Variants in LOC400499 observed in about 807,000 individuals in gnomAD.
chr16:11,482,733 G>C, the LOC400499 span, among the ~76,000 whole-genome samples: 1 of 151,738 alleles, frequency 6.6e-6, no homozygotes. Context: ...TCAACAAAAA[G>C]AGAAAAAAAC....
chr16:11,491,726 G>C, the LOC400499 span: 18 of 398,322 alleles, frequency 4.5e-5, no homozygotes, highest in African/African-American at 3.5e-4. Context: ...CGCCTGCCTG[G>C]GTGCGCCGCA....
the LOC400499 span, chr16:11,390,593 T>A: frequency 1.4e-6 from 1 of 706,850 alleles, no homozygotes; most frequent in Non-Finnish European, 2.0e-6. Context: ...CTGGGGGAAC[T>A]GGAACAGAGC....
the LOC400499 span, chr16:11,435,856 G>C: frequency 2.0e-5 from 8 of 399,072 alleles, no homozygotes; most frequent in Non-Finnish European, 3.5e-5. Context: ...TGCGCACTCT[G>C]TAGCGCCCGG....
the LOC400499 span, among the ~76,000 whole-genome samples, chr16:11,378,399 G>C: frequency 6.6e-6 from 1 of 152,014 alleles, no homozygotes; most frequent in Non-Finnish European, 1.5e-5. Flanking sequence ...AAGTAACTGG[G>C]ATTACAGGCG....
chr16:11,435,529 G>A, the LOC400499 span: 1 of 397,810 alleles, frequency 2.5e-6, no homozygotes, highest in Admixed American at 4.4e-5. Flanking sequence ...TGGCACCAAT[G>A]GGGCTGACTT....
At chr16:11,392,874 G>A in the LOC400499 span, 1 of 892,504 alleles carries the variant, frequency 1.1e-6, no homozygotes, top group Non-Finnish European at 1.3e-6. Flanking sequence ...TACTTTTTGA[G>A]ACAGAGTCTC....
At chr16:11,498,894 C>T in the LOC400499 span, among the ~76,000 whole-genome samples, 6 of 150,552 alleles carry the variant, frequency 4.0e-5, no homozygotes, top group African/African-American at 9.8e-5. Context: ...GTCCCATTGT[C>T]CAGACGGGGA....
At chr16:11,475,967 G>C in the LOC400499 span, among the ~76,000 whole-genome samples, 12 of 152,116 alleles carry the variant, frequency 7.9e-5, no homozygotes, top group Non-Finnish European at 1.0e-4. Flanking sequence ...CTCGGGGATA[G>C]AGCAGGGCCT....
chr16:11,450,574 G>A, the LOC400499 span: 6 of 1,527,756 alleles, frequency 3.9e-6, no homozygotes, highest in Non-Finnish European at 3.5e-6. Context: ...AGTGGCAGGG[G>A]ACCAGACATA....
At chr16:11,462,400 C>T in the LOC400499 span, 120 of 1,368,802 alleles carry the variant, frequency 8.8e-5, no homozygotes, top group Non-Finnish European at 9.8e-5. Context: ...GAGACAACAT[C>T]GCTAACAACC....
chr16:11,480,033 C>A, the LOC400499 span, among the ~76,000 whole-genome samples: 2 of 152,194 alleles, frequency 1.3e-5, no homozygotes, highest in African/African-American at 2.4e-5. Flanking sequence ...GCTGCCCACC[C>A]TCCCCACAAC....
chr16:11,397,797 G>GGATGCAT, the LOC400499 span, among the ~76,000 whole-genome samples: 1,284 of 142,354 alleles, frequency 9.0e-3, 38 homozygotes, highest in African/African-American at 0.034. Context: ...GAGGGAGGGA[G>GGATGCAT]GGATGGACGG....
At chr16:11,399,716 C>T in the LOC400499 span, 9 of 398,730 alleles carry the variant, frequency 2.3e-5, no homozygotes, top group East Asian at 2.1e-4. Flanking sequence ...CCCGGGGAGG[C>T]GGCCAGGCAG....
At chr16:11,446,894 G>A in the LOC400499 span, 1 of 1,535,242 alleles carries the variant, frequency 6.5e-7, no homozygotes, top group African/African-American at 1.4e-5. Flanking sequence ...TGCGGGATGG[G>A]CAGGTGCAAC....
the LOC400499 span, chr16:11,472,477 G>C: frequency 2.6e-5 from 4 of 152,250 alleles, no homozygotes; most frequent in Non-Finnish European, 2.9e-5. Context: ...ACAGGCGTGA[G>C]CTACCGTGCC....
At chr16:11,477,595 C>T in the LOC400499 span, among the ~76,000 whole-genome samples, 4 of 152,256 alleles carry the variant, frequency 2.6e-5, no homozygotes, top group African/African-American at 9.6e-5. Flanking sequence ...CCACCTCGTA[C>T]TGCGGTGTGA....
the LOC400499 span, among the ~76,000 whole-genome samples, chr16:11,422,059 C>G: frequency 6.6e-6 from 1 of 152,230 alleles, no homozygotes. Flanking sequence ...CCCCCAAAGT[C>G]TTCGAGTTTG....
At chr16:11,477,875 G>T in the LOC400499 span, 1 of 399,014 alleles carries the variant, frequency 2.5e-6, no homozygotes, top group Admixed American at 4.4e-5. Flanking sequence ...GAAGTCAGTG[G>T]TTCCTCGGAC....
the LOC400499 span, among the ~76,000 whole-genome samples, chr16:11,381,405 TTTGAGC>T: frequency 8.1e-4 from 123 of 152,190 alleles, no homozygotes; most frequent in African/African-American, 2.8e-3. Flanking sequence ...CTGCCCTACT[TTTGAGC>T]TTTGAGTTCT....
Sources: allele counts gnomAD v4.1 joint callset (sites outside exome capture counted in the v4.1 genomes callset), GRCh38; gene constraint gnomAD v4.1.1; transcripts MANE v1.5.